Variants in CEP290 observed in about 807,000 individuals in gnomAD.
CEP290 encodes the protein centrosomal protein of 290 kDa.
CEP290 carries 317 observed loss-of-function variants against 344.9 expected under a neutral mutation model. The observed-to-expected ratio is 0.92, with a 90% CI of 0.84 to 1.01. The LOEUF (loss-of-function observed/expected upper bound fraction) is 1.01. Ranked by LOEUF, CEP290 falls within the 50% of genes least tolerant of loss-of-function variation. The pLI is 0.00. For missense variants in CEP290, 2,754 were observed against 2,761.4 expected (o/e 1.00, Z 0.06); for synonymous variants, 932 against 895.8 (o/e 1.04, Z -0.72).
Position 88,071,301 on chromosome 12 carries a change from A to G in CEP290, c.6004T>C (p.Tyr2002His). 6.2e-7 allele frequency: 1 copy of G among 1,602,774 alleles called. No homozygotes were observed. Among genetic ancestry groups the G allele is most frequent in the Non-Finnish European group, 8.5e-7 (1 of 1,173,020 alleles). The change falls in exon 43 of 54, where the codon TAT (tyrosine) becomes CAT (histidine). Residue 2002 changes from tyrosine (Y) to histidine (H), a missense_variant. Coordinates refer to ENST00000552810, the MANE Select transcript of CEP290 (RefSeq NM_025114.4). The part of the protein sequence containing the change: ...RNLDLENDIL[Y>H]MRAHQALPRD... Reference sequence around the variant, plus strand: ...TTCCACATAATAGCTTACCTCATATACAATATATCATTTTCTAAGTCAAGA... The same window carrying G: ...TTCCACATAATAGCTTACCTCATATGCAATATATCATTTTCTAAGTCAAGA...
At position 88,084,720 on chromosome 12, in the gene CEP290, T is replaced by C. The variant is rs372266683; in HGVS notation, c.4570A>G (p.Arg1524Gly). 6 of 1,613,696 alleles carry C rather than the reference T, an allele frequency of 3.7e-6. No homozygotes were observed. The highest frequency in any genetic ancestry group is 5.1e-6 in the Non-Finnish European group (6 of 1,179,768). Residue 1524 changes from arginine (R) to glycine (G), a missense_variant, in exon 35 of 54, where the codon AGA becomes GGA. Transcript: ENST00000552810. ...TGAGATTTTGGTTCCATCTCTTTTC[T>C]GCCTAGCTCAGCTATGAGCTTTTCT... Reference protein sequence around the residue: ...EREKLIAELGRKEMEPKSHHT... With the variant: ...EREKLIAELGGKEMEPKSHHT...
rs1158229687 is a variant in CEP290 at position 88,064,133 on chromosome 12, T to C, written c.6136-18A>G. The C allele has an allele frequency of 2.6e-6, 4 of 1,517,976 alleles. No homozygotes were observed. Among genetic ancestry groups the C allele is most frequent in the Admixed American group, 2.2e-5 (1 of 45,002 alleles). 94.0% of individuals were successfully genotyped at this position (1,517,976 alleles called of 1,614,324 possible). A position where few individuals can be genotyped will look rare whatever the true frequency, so the allele number is the denominator to read the frequency against. On this transcript the variant is annotated intron_variant, in intron 44 of 53. Coordinates refer to ENST00000552810, the MANE Select transcript of CEP290 (RefSeq NM_025114.4). ...CCTGAAATCTTCAGGGAAATGAAAT[T>C]AGGAATATTTTTAAAGTTTAATAAA...
In CEP290 at chr12:88,083,845, ACCCAAG is replaced by A. The variant is rs1284883839; in HGVS notation, c.4808_4812+1del. On this transcript the variant is annotated splice_donor_variant and coding_sequence_variant, in exon 36 of 54. Coordinates refer to ENST00000552810, the MANE Select transcript of CEP290 (RefSeq NM_025114.4). LOFTEE classifies it high-confidence loss of function. The stretch of plus-strand genomic sequence containing the variant: ...AATGGAACAAAGTTCTTAGAATCTT[ACCCAAG>A]CCGTTTGTTTGAATTTATTTAGTGA... 6.5e-7 allele frequency: 1 copy of A among 1,544,502 alleles called. No individual in the cohort carries two copies. Among genetic ancestry groups the A allele is most frequent in the Non-Finnish European group, 8.8e-7 (1 of 1,132,608 alleles).
intron 17 of CEP290, among the ~76,000 whole-genome samples, chr12:88,117,960 C>T (rs930760191): frequency 1.3e-5 from 2 of 151,824 alleles, no homozygotes; most frequent in Non-Finnish European, 2.9e-5. Flanking sequence ...CACTAGAACC[C>T]GGGAGGCGGA....
chr12:88,082,376 G>C (rs1029438620), intron 37 of CEP290, among the ~76,000 whole-genome samples: 6 of 152,114 alleles, frequency 3.9e-5, no homozygotes, highest in Admixed American at 3.3e-4. Flanking sequence ...AAAGGGCCAG[G>C]GTAAGTATTA....
intron 46 of CEP290, among the ~76,000 whole-genome samples, chr12:88,062,442 T>A (rs2034550209): frequency 1.3e-5 from 2 of 152,084 alleles, no homozygotes; most frequent in South Asian, 4.1e-4. Context: ...TTCCTGGAAG[T>A]TAAATGTTTT....
In CEP290 at chr12:88,058,764, T is replaced by TGATA; in HGVS notation, c.6818+83_6818+84insTATC. ...AACTGTTCATCAGGAAGAAACCAGG[T>TGATA]TATCCAGAATAGTGTTGTCTTTTAA... On this transcript the variant is annotated intron_variant, in intron 49 of 53. Transcript: ENST00000552810. 2.3e-6 allele frequency: 3 copies of TGATA among 1,321,464 alleles called. No individual in the cohort carries two copies. In the South Asian group the frequency reaches 4.0e-5, roughly 18 times the overall value. The allele number at this position is 1,321,464 out of a possible 1,614,324, so 81.9% of individuals were successfully genotyped here. A position where few individuals can be genotyped will look rare whatever the true frequency, so the allele number is the denominator to read the frequency against.
At chr12:88,054,295 T>C in intron 51 of CEP290, 45 bp downstream of exon 51, 1 of 1,290,768 alleles carries the variant, frequency 7.7e-7, no homozygotes, top group Non-Finnish European at 1.1e-6. Flanking sequence ...AATAATTTTT[T>C]TTTTAAAGAA....
rs1187069835 is a variant in CEP290, at chr12:88,141,430, T to G, written c.-27-96A>C. 1.4e-5 allele frequency: 8 copies of G among 562,638 alleles called. No individual in the cohort carries two copies. In the East Asian group the frequency reaches 2.1e-4, roughly 15 times the overall value. The allele number at this position is 562,638 out of a possible 1,614,324, so 34.9% of individuals were successfully genotyped here. On this transcript the variant is annotated intron_variant, in intron 1 of 53. Transcript: ENST00000552810. ...TTTTTGCAGATTATTTCATTATAAC[T>G]TTCTGATGTTAGCAAAACAGACAAT...
rs746496743 is a variant in CEP290, at chr12:88,118,630, C to T, written c.1623+13G>A. 22 of 1,611,302 alleles carry T rather than the reference C, an allele frequency of 1.4e-5. No homozygotes were observed. The highest frequency in any genetic ancestry group is 8.3e-5 in the Admixed American group (5 of 59,990). On this transcript the variant is annotated intron_variant, in intron 16 of 53. Coordinates refer to ENST00000552810, the MANE Select transcript of CEP290 (RefSeq NM_025114.4). ...TTCAGCCAAGAAAATAATCAACTGA[C>T]TACCACACTTGCCTCTTTCAAAAGA...
chr12:88,125,569 T>C lies in CEP290; in HGVS notation c.1066-200A>G, dbSNP rs17335506. On this transcript the variant is annotated intron_variant, in intron 12 of 53. Coordinates refer to ENST00000552810, the MANE Select transcript of CEP290 (RefSeq NM_025114.4). ...CTGCTGTTACTCCAATACTGAAAGA[T>C]GGATATAATGGCTAACACTCTGGAA... is the stretch of plus-strand genomic sequence containing the variant. Among the ~76,000 whole-genome samples the C allele has an allele frequency of 0.032, 4,875 of 152,086 alleles. 130 individuals are homozygous for C. The highest frequency in any genetic ancestry group is 0.087 in the East Asian group (449 of 5,176).
chr12:88,050,434 C>T lies in CEP290; in HGVS notation c.7130-1G>A. 6.7e-7 allele frequency: 1 copy of T among 1,499,318 alleles called. No homozygotes were observed. Among genetic ancestry groups the T allele is most frequent in the Non-Finnish European group, 9.2e-7 (1 of 1,090,368 alleles). The allele number at this position is 1,499,318 out of a possible 1,614,324, so 92.9% of individuals were successfully genotyped here. On this transcript the variant is annotated splice_acceptor_variant, in intron 52 of 53. Coordinates refer to ENST00000552810, the MANE Select transcript of CEP290 (RefSeq NM_025114.4). LOFTEE classifies it high-confidence loss of function. ...ATTTTTTCCTTTAGTTGATCAGCAT[C>T]TGTTGAAAAAGTCATACAAATTAGA...
At chr12:88,063,196 GTAAA>G (rs1204401915) in intron 45 of CEP290, among the ~76,000 whole-genome samples, 5 of 147,286 alleles carry the variant, frequency 3.4e-5, no homozygotes, top group Non-Finnish European at 6.0e-5. Context: ...AGTGCCCTGA[GTAAA>G]TAAATAAATA....
At chr12:88,114,650 C>T in intron 19 of CEP290, 88 bp from the exon 20 acceptor site, 2 of 1,061,202 alleles carry the variant, frequency 1.9e-6, no homozygotes, top group East Asian at 2.9e-5. Context: ...TTCACATATA[C>T]CAAAGACATC....
At chr12:88,060,716 T>G (rs1287363736) in intron 47 of CEP290, 114 bp downstream of exon 47, 1 of 699,076 alleles carries the variant, frequency 1.4e-6, no homozygotes, top group Non-Finnish European at 2.3e-6. Flanking sequence ...TTATAAAATA[T>G]GTATTGTATT....
intron 37 of CEP290, among the ~76,000 whole-genome samples, chr12:88,081,052 C>T (rs986449266): frequency 5.3e-5 from 8 of 151,980 alleles, no homozygotes; most frequent in Non-Finnish European, 8.8e-5. Context: ...TGATAGTTTC[C>T]TAACCATACT....
intron 49 of CEP290, 96 bp downstream of exon 49, chr12:88,058,752 G>A: frequency 8.3e-7 from 1 of 1,211,292 alleles, no homozygotes; most frequent in Non-Finnish European, 1.2e-6. Context: ...TGTTCATCAG[G>A]AAGAAACCAG....
chr12:88,114,990 G>A (rs1240687238), intron 19 of CEP290, 108 bp downstream of exon 19: 1 of 622,796 alleles, frequency 1.6e-6, no homozygotes, highest in East Asian at 3.0e-5. Context: ...GAGGTAATTA[G>A]GAGTAAAGCA....
intron 23 of CEP290, among the ~76,000 whole-genome samples, chr12:88,108,319 A>C (rs1345159662): frequency 6.6e-6 from 1 of 152,160 alleles, no homozygotes; most frequent in Non-Finnish European, 1.5e-5. Flanking sequence ...CCAGAAAAAA[A>C]TGTTTATTTA....
Sources: gnomAD v4.1 joint callset for allele counts (sites outside exome capture counted in the v4.1 genomes callset) on GRCh38, gnomAD v4.1.1 for gene constraint, MANE v1.5 for transcripts, NCBI Gene and HGNC (gene_info 2026-07-23, HGNC 2026-07-21) for gene names.